The following GPD1L variants were observed in gnomAD, a reference collection of about 807,000 sequenced individuals.
GPD1L encodes the protein glycerol-3-phosphate dehydrogenase 1 like, also known as glycerol-3-phosphate dehydrogenase 1-like protein.
GPD1L carries 17 observed loss-of-function variants against 32.9 expected under a neutral mutation model. The ratio of observed to expected loss-of-function variants is 0.52; its 90% CI spans 0.35 to 0.78. The LOEUF is 0.78. Among genes scored for constraint, GPD1L ranks in the 30% least tolerant of loss-of-function variants. The pLI, the probability that GPD1L is intolerant of heterozygous loss-of-function variation, is 0.01. For synonymous variants in GPD1L, 187 were observed against 165.9 expected, an observed-to-expected ratio of 1.13 and a Z score of -0.98; for missense variants, 361 against 447.8, an observed-to-expected ratio of 0.81 and a Z score of 1.75.
chr3:32,156,224 T>C (rs1700986986), intron 5 of GPD1L, among the ~76,000 whole-genome samples: 1 of 152,200 alleles, frequency 6.6e-6, no homozygotes, highest in South Asian at 2.1e-4. Context: ...TGATGAGAAC[T>C]GATGAAACCT....
At chr3:32,164,296 G>T (rs1048072318) in intron 7 of GPD1L, among the ~76,000 whole-genome samples, 2 of 152,160 alleles carry the variant, frequency 1.3e-5, no homozygotes, top group Admixed American at 1.3e-4. Flanking sequence ...ACAAAGAAAG[G>T]GGCTGAAGTT....
chr3:32,125,473 G>A (rs1383265116), intron 1 of GPD1L, among the ~76,000 whole-genome samples: 3 of 152,142 alleles, frequency 2.0e-5, no homozygotes, highest in African/African-American at 7.2e-5. Flanking sequence ...GCTTCTCAGC[G>A]GGGTTTGGTC....
intron 3 of GPD1L, among the ~76,000 whole-genome samples, chr3:32,139,878 A>G (rs1700714601): frequency 6.6e-6 from 1 of 152,184 alleles, no homozygotes; most frequent in African/African-American, 2.4e-5. Context: ...AACATTGTCT[A>G]GGGACCATCC....
intron 1 of GPD1L, among the ~76,000 whole-genome samples, chr3:32,109,567 C>G (rs978342242): frequency 6.6e-6 from 1 of 152,208 alleles, no homozygotes; most frequent in African/African-American, 2.4e-5. Context: ...TGGGATTAGA[C>G]GGGAACAATT....
chr3:32,129,103 C>A (rs1267520134), intron 2 of GPD1L, among the ~76,000 whole-genome samples: 1 of 152,180 alleles, frequency 6.6e-6, no homozygotes, highest in Admixed American at 6.5e-5. Context: ...AATTTATGAA[C>A]TTCTTCTGTT....
intron 1 of GPD1L, among the ~76,000 whole-genome samples, chr3:32,125,542 G>A (rs1385537462): frequency 1.6e-4 from 25 of 152,108 alleles, no homozygotes; most frequent in Non-Finnish European, 1.2e-4. Flanking sequence ...GTCCATTATG[G>A]TTCTCTTAAT....
At chr3:32,115,176 T>G (rs1165546770) in intron 1 of GPD1L, among the ~76,000 whole-genome samples, 2 of 152,304 alleles carry the variant, frequency 1.3e-5, no homozygotes, top group South Asian at 4.1e-4. Flanking sequence ...TGCTGATTGA[T>G]GCATTTTATA....
chr3:32,168,257 C>A lies in GPD1L; in HGVS notation c.*2347C>A, dbSNP rs1701176753. 6.6e-6 allele frequency: 1 copy of A among 151,816 alleles called. No homozygotes were observed. The highest frequency in any genetic ancestry group is 2.4e-5 in the African/African-American group (1 of 41,376). The allele number at this position is 151,816 out of a possible 1,614,324, so 9.4% of individuals were successfully genotyped here. A position where few individuals can be genotyped will look rare whatever the true frequency, so the allele number is the denominator to read the frequency against. The stretch of plus-strand genomic sequence containing the variant: ...CTCTACTAACTGTAGATATTTATGA[C>A]TCTGCGAGTTATCTATTTTTATAAC... On this transcript the variant is annotated 3_prime_UTR_variant, in exon 8 of 8. Coordinates refer to ENST00000282541, the MANE Select transcript of GPD1L (RefSeq NM_015141.4).
In GPD1L at chr3:32,158,631, A is replaced by G. The variant is rs76244632; in HGVS notation, c.619-245A>G. 71,705 of 706,888 alleles carry G rather than the reference A, an allele frequency of 0.1. 4,078 individuals carry two copies. Among genetic ancestry groups the G allele is most frequent in the African/African-American group, 0.14 (7,902 of 55,488 alleles). The allele number at this position is 706,888 out of a possible 1,614,324, so 43.8% of individuals were successfully genotyped here. The stretch of plus-strand genomic sequence containing the variant: ...ATCAGCCGTTCTGATTTTCTGTCCA[A>G]TGCTCTTCAACTGCTGACCCCAAAT... On this transcript the variant is annotated intron_variant, in intron 5 of 7. Transcript: ENST00000282541.
At chr3:32,159,344 T>C (rs534441374) in intron 6 of GPD1L, among the ~76,000 whole-genome samples, 1 of 152,166 alleles carries the variant, frequency 6.6e-6, no homozygotes, top group South Asian at 2.1e-4. Context: ...AAATAATTGA[T>C]GCTAGGCCGG....
intron 7 of GPD1L, among the ~76,000 whole-genome samples, chr3:32,164,754 C>G (rs1701121571): frequency 6.6e-6 from 1 of 151,840 alleles, no homozygotes; most frequent in African/African-American, 2.4e-5. Flanking sequence ...AGAAACAACC[C>G]TACAACGATA....
chr3:32,153,287 AG>A, intron 5 of GPD1L, among the ~76,000 whole-genome samples: 1 of 152,354 alleles, frequency 6.6e-6, no homozygotes, highest in South Asian at 2.1e-4. Context: ...CTGACATGCT[AG>A]CCACTAGACA....
intron 2 of GPD1L, among the ~76,000 whole-genome samples, chr3:32,136,379 C>T (rs1460896916): frequency 6.6e-6 from 1 of 152,216 alleles, no homozygotes; most frequent in Non-Finnish European, 1.5e-5. Flanking sequence ...TTAATGTGCC[C>T]ATTAGCTTGA....
At chr3:32,158,359 G>C (rs1701022881) in intron 5 of GPD1L, 1 of 185,142 alleles carries the variant, frequency 5.4e-6, no homozygotes, top group Admixed American at 5.4e-5. Flanking sequence ...GAGGAGAGTG[G>C]TTACCTTTGG....
At chr3:32,152,483 CG>C (rs948761932) in intron 5 of GPD1L, among the ~76,000 whole-genome samples, 3 of 152,014 alleles carry the variant, frequency 2.0e-5, no homozygotes, top group Non-Finnish European at 2.9e-5. Context: ...CATGAGGGCA[CG>C]GTCTGTTCCA....
chr3:32,131,269 A>G (rs1700583737), intron 2 of GPD1L, among the ~76,000 whole-genome samples: 1 of 152,072 alleles, frequency 6.6e-6, no homozygotes, highest in Admixed American at 6.6e-5. Flanking sequence ...CTTCACTGAG[A>G]TATAATCCAC....
rs147092668 is a variant in GPD1L, at chr3:32,165,892, C to T, written c.1038C>T (p.Ser346=). 3.2e-4 allele frequency: 508 copies of T among 1,587,998 alleles called. 1 individual carries two copies. Among genetic ancestry groups the T allele is most frequent in the Non-Finnish European group, 4.2e-4 (491 of 1,156,184 alleles). ...AAGAGATGTTGTCTTGTCTTCAGAGCCATCCAGAGCATACATAAAGTGAAT... is the reference window on the plus strand; with the variant it reads ...AAGAGATGTTGTCTTGTCTTCAGAGTCATCCAGAGCATACATAAAGTGAAT... The part of the protein sequence containing the change: ...PVQEMLSCLQ[S]HPEHT The change falls in exon 8 of 8, where the codon AGC becomes AGT. Residue 346 remains serine (S), a synonymous_variant. Coordinates refer to ENST00000282541, the MANE Select transcript of GPD1L (RefSeq NM_015141.4).
Position 32,165,993 on chromosome 3 carries a change from A to G in GPD1L, c.*83A>G. 2 of 800,432 alleles carry G rather than the reference A, an allele frequency of 2.5e-6. No individual in the cohort carries two copies. Among genetic ancestry groups the G allele is most frequent in the South Asian group, 2.8e-5 (2 of 72,534 alleles). 49.6% of individuals were successfully genotyped at this position (800,432 alleles called of 1,614,324 possible). A position where few individuals can be genotyped will look rare whatever the true frequency, so the allele number is the denominator to read the frequency against. On this transcript the variant is annotated 3_prime_UTR_variant, in exon 8 of 8. Transcript: ENST00000282541. ...CACGTGGAAACCAGGACTTGGCAAC[A>G]TGATGTTTGACTGTAATCTCATCAC...
At chr3:32,151,075 C>T (rs544329137) in intron 5 of GPD1L, 6 of 348,864 alleles carry the variant, frequency 1.7e-5, no homozygotes, top group Non-Finnish European at 3.5e-5. Context: ...GCCTATTTTT[C>T]ACACCTATTA....
Sources: gnomAD v4.1 joint callset for allele counts (sites outside exome capture counted in the v4.1 genomes callset) on GRCh38, gnomAD v4.1.1 for gene constraint, MANE v1.5 for transcripts, NCBI Gene and HGNC (gene_info 2026-07-23, HGNC 2026-07-21) for gene names.